Variants in OTUD7A observed in about 807,000 individuals in gnomAD.
The protein encoded by OTUD7A is OTU deubiquitinase 7A, also known as OTU domain-containing protein 7A.
In OTUD7A, 12 loss-of-function variants were observed where a neutral mutation model predicts 65.7. The ratio of observed to expected loss-of-function variants is 0.18; its 90% CI spans 0.12 to 0.30. OTUD7A has a LOEUF of 0.30. Ranked by LOEUF, OTUD7A falls within the 10% of genes least tolerant of loss-of-function variation. The pLI is 1.00. For synonymous variants in OTUD7A, 641 were observed against 586.3 expected (o/e 1.09, Z -1.35); for missense variants, 1,148 against 1,304.8 (o/e 0.88, Z 1.85).
At chr15:31,863,219 T>C (rs1897790421) in intron 1 of OTUD7A, among the ~76,000 whole-genome samples, 1 of 152,198 alleles carries the variant, frequency 6.6e-6, no homozygotes, top group African/African-American at 2.4e-5. Flanking sequence ...TGAGTGTCTA[T>C]GGCTTTTCCA....
chr15:31,604,500 G>GGGT (rs2141214584), intron 3 of OTUD7A, among the ~76,000 whole-genome samples: 1 of 152,266 alleles, frequency 6.6e-6, no homozygotes, highest in African/African-American at 2.4e-5. Context: ...TGTAGATGAC[G>GGGT]GGTTGATGGG....
At chr15:31,619,406 G>C (rs1166052472) in intron 3 of OTUD7A, among the ~76,000 whole-genome samples, 1 of 152,212 alleles carries the variant, frequency 6.6e-6, no homozygotes, top group African/African-American at 2.4e-5. Context: ...CTATCCATGA[G>C]CATGGAATGT....
intron 1 of OTUD7A, among the ~76,000 whole-genome samples, chr15:31,699,780 T>G (rs1192858019): frequency 1.3e-5 from 2 of 151,890 alleles, no homozygotes; most frequent in Non-Finnish European, 2.9e-5. Context: ...TCACATCCCT[T>G]CTTGTCAATA....
At chr15:31,682,850 AGT>A (rs1448957450) in intron 1 of OTUD7A, among the ~76,000 whole-genome samples, 1 of 152,068 alleles carries the variant, frequency 6.6e-6, no homozygotes, top group African/African-American at 2.4e-5. Context: ...GTTTATGTTG[AGT>A]GTGTGTGAAT....
At chr15:31,744,142 CTTAAAAA>C (rs1894414443) in intron 1 of OTUD7A, among the ~76,000 whole-genome samples, 1 of 152,022 alleles carries the variant, frequency 6.6e-6, no homozygotes, top group South Asian at 2.1e-4. Flanking sequence ...AAATTCTTCC[CTTAAAAA>C]AGACATAGAT....
At chr15:31,814,989 C>G (rs567698567) in intron 1 of OTUD7A, among the ~76,000 whole-genome samples, 27 of 152,306 alleles carry the variant, frequency 1.8e-4, no homozygotes, top group African/African-American at 5.8e-4. Context: ...AGTCCTGAAG[C>G]TCCCACATTG....
At chr15:31,532,047 C>A (rs114878266) in intron 5 of OTUD7A, among the ~76,000 whole-genome samples, 1 of 152,298 alleles carries the variant, frequency 6.6e-6, no homozygotes, top group African/African-American at 2.4e-5. Flanking sequence ...AGAGTGGTGT[C>A]AGGAGGTCCG....
At chr15:31,729,519 T>C (rs1412299860) in intron 1 of OTUD7A, among the ~76,000 whole-genome samples, 1 of 152,252 alleles carries the variant, frequency 6.6e-6, no homozygotes, top group African/African-American at 2.4e-5. Flanking sequence ...GGCCCTTTTT[T>C]GGTTTTCCTT....
intron 1 of OTUD7A, among the ~76,000 whole-genome samples, chr15:31,829,676 G>C (rs1429701046): frequency 6.6e-6 from 1 of 152,138 alleles, no homozygotes; most frequent in Non-Finnish European, 1.5e-5. Context: ...CCCCCTTTCA[G>C]TTCTGAAGAA....
intron 1 of OTUD7A, among the ~76,000 whole-genome samples, chr15:31,779,403 CAGG>C (rs1230055246): frequency 3.3e-5 from 5 of 152,218 alleles, no homozygotes; most frequent in Admixed American, 6.5e-5. Flanking sequence ...TTAGAGGCTA[CAGG>C]AGACACCTCT....
Position 31,476,148 on chromosome 15 carries a change from T to C in OTUD7A, c.*7146A>G, listed in dbSNP as rs193206290. 6.6e-6 allele frequency: 1 copy of C among 152,362 alleles called. No individual in the cohort carries two copies. The highest frequency in any genetic ancestry group is 1.5e-5 in the Non-Finnish European group (1 of 68,046). The allele number at this position is 152,362 out of a possible 1,614,324, so 9.4% of individuals were successfully genotyped here. ...TCCTTGCTCCTAACAGCGCCTTTAC[T>C]TGTAGGACTAAGAGCCCAGCCTTTC... is the stretch of plus-strand genomic sequence containing the variant. On this transcript the variant is annotated 3_prime_UTR_variant, in exon 13 of 13. Transcript: ENST00000307050.
At chr15:31,818,374 A>G (rs1158611901) in intron 1 of OTUD7A, among the ~76,000 whole-genome samples, 1 of 152,200 alleles carries the variant, frequency 6.6e-6, no homozygotes, top group East Asian at 1.9e-4. Context: ...TGTTCATTGC[A>G]TCTCTCTTTA....
intron 1 of OTUD7A, among the ~76,000 whole-genome samples, chr15:31,796,631 TAA>T (rs1895969129): frequency 6.6e-6 from 1 of 152,228 alleles, no homozygotes; most frequent in South Asian, 2.1e-4. Context: ...ACAATTAATG[TAA>T]AAGAGCATAA....
intron 1 of OTUD7A, among the ~76,000 whole-genome samples, chr15:31,746,043 A>G (rs113908122): frequency 6.6e-5 from 10 of 152,352 alleles, no homozygotes; most frequent in South Asian, 2.1e-4. Context: ...TCAAGTGTTG[A>G]CAAGGATGGG....
intron 1 of OTUD7A, among the ~76,000 whole-genome samples, chr15:31,803,657 T>C (rs967147147): frequency 2.0e-5 from 3 of 152,202 alleles, no homozygotes; most frequent in African/African-American, 7.2e-5. Context: ...TCATTATGAC[T>C]CGGAAGACTG....
intron 12 of OTUD7A, among the ~76,000 whole-genome samples, chr15:31,485,236 C>G (rs907367428): frequency 3.9e-5 from 6 of 152,188 alleles, no homozygotes; most frequent in African/African-American, 1.4e-4. Context: ...TGGGCCTGCA[C>G]AAAAGTGCCT....
chr15:31,843,550 C>G (rs891741509), intron 1 of OTUD7A, among the ~76,000 whole-genome samples: 3 of 152,182 alleles, frequency 2.0e-5, no homozygotes, highest in African/African-American at 7.2e-5. Context: ...GGCACAGAAG[C>G]AAGGCAATGT....
intron 3 of OTUD7A, among the ~76,000 whole-genome samples, chr15:31,626,403 T>C (rs1041987715): frequency 3.3e-5 from 5 of 152,132 alleles, no homozygotes; most frequent in Admixed American, 6.6e-5. Flanking sequence ...AGGTGGTGGG[T>C]ACATGGTGTT....
intron 1 of OTUD7A, among the ~76,000 whole-genome samples, chr15:31,794,718 C>T (rs1486243595): frequency 6.6e-6 from 1 of 152,098 alleles, no homozygotes; most frequent in Non-Finnish European, 1.5e-5. Flanking sequence ...CGCCCCCCAG[C>T]CCACCGTCTG....
Sources: allele counts gnomAD v4.1 joint callset (sites outside exome capture counted in the v4.1 genomes callset), GRCh38; gene constraint gnomAD v4.1.1; transcripts MANE v1.5; gene names NCBI Gene and HGNC (gene_info 2026-07-23, HGNC 2026-07-21).